Variants in ZRANB3 observed in about 807,000 individuals in gnomAD.
The protein encoded by ZRANB3 is zinc finger RANBP2-type containing 3, also known as DNA annealing helicase and endonuclease ZRANB3.
A neutral mutation model predicts 133.8 loss-of-function variants in ZRANB3; 125 were observed. That is an observed-to-expected ratio of 0.93 (90% confidence interval 0.81 to 1.08). The LOEUF is 1.08. Ranked by LOEUF, ZRANB3 falls within the 50% of genes least tolerant of loss-of-function variation. ZRANB3 has a pLI of 0.00. For missense variants in ZRANB3, 1,229 were observed against 1,275.5 expected, an observed-to-expected ratio of 0.96 and a Z score of 0.56; for synonymous variants, 387 against 432.7, an observed-to-expected ratio of 0.89 and a Z score of 1.31.
chr2:135,291,286 G>A (rs967248228), intron 8 of ZRANB3, among the ~76,000 whole-genome samples: 9 of 152,034 alleles, frequency 5.9e-5, no homozygotes, highest in South Asian at 2.1e-4. Flanking sequence ...AGATTCAAGC[G>A]ATTCTCCAGC....
chr2:135,263,084 A>G (rs890358507), intron 12 of ZRANB3, among the ~76,000 whole-genome samples: 2 of 152,140 alleles, frequency 1.3e-5, no homozygotes, highest in Admixed American at 1.3e-4. Flanking sequence ...TTGCTATCAC[A>G]TTTTTATTCT....
At chr2:135,526,157 ATTTTTTT>A (rs993714638) in intron 1 of ZRANB3, among the ~76,000 whole-genome samples, 10 of 108,086 alleles carry the variant, frequency 9.3e-5, no homozygotes, top group Non-Finnish European at 1.8e-4. Flanking sequence ...CTAAGCTATG[ATTTTTTT>A]TTTTTTTTTT....
chr2:135,293,065 C>G (rs1044594575), intron 8 of ZRANB3, among the ~76,000 whole-genome samples: 7 of 152,008 alleles, frequency 4.6e-5, no homozygotes, highest in Non-Finnish European at 1.0e-4. Context: ...TTAGGATTGA[C>G]TTGGCAATGT....
chr2:135,461,623 T>C (rs1690768759), intron 2 of ZRANB3, among the ~76,000 whole-genome samples: 1 of 152,158 alleles, frequency 6.6e-6, no homozygotes. Flanking sequence ...GGTCTTTTGC[T>C]ATAGATAATT....
intron 2 of ZRANB3, among the ~76,000 whole-genome samples, chr2:135,443,115 CA>C (rs544885151): frequency 5.8e-4 from 67 of 116,032 alleles, no homozygotes; most frequent in Non-Finnish European, 5.0e-4. Context: ...GACTCCATCT[CA>C]AAAAAAAAAA....
intron 6 of ZRANB3, among the ~76,000 whole-genome samples, chr2:135,328,639 C>G (rs1293256536): frequency 6.6e-6 from 1 of 152,214 alleles, no homozygotes; most frequent in Non-Finnish European, 1.5e-5. Flanking sequence ...AATCGCCACA[C>G]TGTCTTCCAC....
At chr2:135,431,353 C>T (rs1689315337) in intron 2 of ZRANB3, among the ~76,000 whole-genome samples, 1 of 150,048 alleles carries the variant, frequency 6.7e-6, no homozygotes, top group South Asian at 2.1e-4. Context: ...TTATATATTA[C>T]CAAATATTAT....
intron 1 of ZRANB3, among the ~76,000 whole-genome samples, chr2:135,517,993 T>C (rs186113661): frequency 1.2e-3 from 185 of 152,196 alleles, no homozygotes; most frequent in African/African-American, 3.3e-3. Flanking sequence ...CTGGCTAGAG[T>C]GGCTTTGCGT....
At position 135,389,565 on chromosome 2, in the gene ZRANB3, C is replaced by T. The variant is rs367792208; in HGVS notation, c.180+1237G>A. ...ACTAAAAATACAAAAATTAGCTGGG[C>T]GTGGTGGTGCGCGCCTGTAGTCCCA... On this transcript the variant is annotated intron_variant, in intron 3 of 20. Coordinates refer to ENST00000264159, the MANE Select transcript of ZRANB3 (RefSeq NM_032143.4). 9.4e-4 allele frequency among the ~76,000 whole-genome samples: 143 copies of T among 151,874 alleles called. 4 individuals are homozygous for T. In the South Asian group the frequency reaches 0.027, roughly 29 times the overall value.
chr2:135,265,575 C>T lies in ZRANB3; in HGVS notation c.1498G>A (p.Asp500Asn). The T allele has an allele frequency of 6.2e-7, 1 of 1,613,684 alleles. No homozygotes were observed. Among genetic ancestry groups the T allele is most frequent in the Non-Finnish European group, 8.5e-7 (1 of 1,179,758 alleles). Reference protein sequence around the residue: ...LQFAEAWTPNDSSEELRKEAL... With the variant: ...LQFAEAWTPNNSSEELRKEAL... ...TCCTTCCTTAACTCTTCAGAACTGTCATTTGGAGTCCAAGCTTCAGCAAAC... is the reference window on the plus strand; with the variant it reads ...TCCTTCCTTAACTCTTCAGAACTGTTATTTGGAGTCCAAGCTTCAGCAAAC... Residue 500 changes from aspartate (D) to asparagine (N), a missense_variant, in exon 12 of 21, where the codon GAC becomes AAC. Asp to Asn is a conservative substitution (Grantham distance 23, BLOSUM62 1). Transcript: ENST00000264159.
At chr2:135,429,620 G>C (rs1689233364) in intron 2 of ZRANB3, among the ~76,000 whole-genome samples, 1 of 151,976 alleles carries the variant, frequency 6.6e-6, no homozygotes, top group South Asian at 2.1e-4. Flanking sequence ...TGTGATGTGG[G>C]AAGCAGAGTC....
intron 19 of ZRANB3, among the ~76,000 whole-genome samples, chr2:135,207,176 AAATAAATAAATAAAT>A (rs893188102): frequency 8.0e-5 from 12 of 150,390 alleles, no homozygotes; most frequent in Non-Finnish European, 1.5e-4. Flanking sequence ...CAAAATAAAT[AAATAAATAAATAAAT>A]AATAAATAAA....
At chr2:135,348,984 T>C (rs57757686) in intron 5 of ZRANB3, among the ~76,000 whole-genome samples, 9,428 of 152,230 alleles carry the variant, frequency 0.062, 572 homozygotes, top group African/African-American at 0.16. Flanking sequence ...TTCATTGACA[T>C]AATTTGTGGA....
chr2:135,398,235 G>T (rs61227951), intron 2 of ZRANB3, among the ~76,000 whole-genome samples: 28,810 of 150,856 alleles, frequency 0.19, 3,666 homozygotes, highest in African/African-American at 0.34. Context: ...CCGGCTAATT[G>T]TTTTGTTTTT....
chr2:135,371,900 G>A (rs1686198537), intron 3 of ZRANB3, among the ~76,000 whole-genome samples: 1 of 152,092 alleles, frequency 6.6e-6, no homozygotes, highest in East Asian at 1.9e-4. Flanking sequence ...TTCAGCCCAC[G>A]CACGGTGGCT....
chr2:135,219,800 A>C (rs1694459635), intron 15 of ZRANB3, among the ~76,000 whole-genome samples: 1 of 152,186 alleles, frequency 6.6e-6, no homozygotes, highest in South Asian at 2.1e-4. Flanking sequence ...CTGTCTGCCA[A>C]TGGTACCACC....
intron 3 of ZRANB3, among the ~76,000 whole-genome samples, chr2:135,358,048 G>T (rs1685514748): frequency 6.6e-6 from 1 of 152,148 alleles, no homozygotes; most frequent in Admixed American, 6.5e-5. Flanking sequence ...CCTTCTGGGG[G>T]TCAACAGAAG....
chr2:135,243,279 G>T (rs889190091), intron 12 of ZRANB3, among the ~76,000 whole-genome samples: 1 of 152,186 alleles, frequency 6.6e-6, no homozygotes, highest in Non-Finnish European at 1.5e-5. Context: ...ACTTTGGGAG[G>T]CCAAGGTGAG....
intron 3 of ZRANB3, among the ~76,000 whole-genome samples, chr2:135,360,675 T>A (rs775410601): frequency 1.2e-4 from 19 of 152,174 alleles, no homozygotes; most frequent in Non-Finnish European, 2.6e-4. Context: ...ACTGCACTCC[T>A]GCCTGGGTGA....
Sources: allele counts gnomAD v4.1 joint callset (sites outside exome capture counted in the v4.1 genomes callset), GRCh38; gene constraint gnomAD v4.1.1; transcripts MANE v1.5; gene names NCBI Gene and HGNC (gene_info 2026-07-23, HGNC 2026-07-21).